Variants in INVS observed in about 807,000 individuals in gnomAD.
The protein encoded by INVS is inversin.
In INVS, 86 loss-of-function variants were observed where a neutral mutation model predicts 108.8. The ratio of observed to expected loss-of-function variants is 0.79; its 90% CI spans 0.66 to 0.95. INVS has a LOEUF of 0.95. Among genes scored for constraint, INVS ranks in the 40% least tolerant of loss-of-function variants. The pLI is 0.00. For missense variants in INVS, 1,169 were observed against 1,297.4 expected, an observed-to-expected ratio of 0.90 and a Z score of 1.52; for synonymous variants, 455 against 473.5, an observed-to-expected ratio of 0.96 and a Z score of 0.51.
At position 100,229,581 on chromosome 9, in the gene INVS, A is replaced by G. The variant is rs898596439; in HGVS notation, c.448-79A>G. 1.8e-5 allele frequency: 23 copies of G among 1,290,150 alleles called. No individual in the cohort carries two copies. In the Admixed American group the frequency reaches 3.7e-4, roughly 21 times the overall value. 79.9% of individuals were successfully genotyped at this position (1,290,150 alleles called of 1,614,324 possible). A position where few individuals can be genotyped will look rare whatever the true frequency, so the allele number is the denominator to read the frequency against. On this transcript the variant is annotated intron_variant, in intron 4 of 16. Transcript: ENST00000262457. ...GCAACTACTGTATAAAACTCTTATA[A>G]CAGTGCCTGTCCCACAATAAAAGAT...
chr9:100,273,576 C>T (rs533526455), intron 12 of INVS, among the ~76,000 whole-genome samples: 213 of 143,838 alleles, frequency 1.5e-3, no homozygotes, highest in African/African-American at 5.2e-3. Flanking sequence ...TCTCACTTGC[C>T]GCCCAGGCTG....
chr9:100,177,738 G>A (rs1252070413), intron 3 of INVS, among the ~76,000 whole-genome samples: 1 of 152,230 alleles, frequency 6.6e-6, no homozygotes, highest in Non-Finnish European at 1.5e-5. Context: ...TGGCTCTGAA[G>A]AGAGCAGCAG....
chr9:100,255,399 C>A (rs1445214049), intron 10 of INVS, among the ~76,000 whole-genome samples: 3 of 151,760 alleles, frequency 2.0e-5, no homozygotes, highest in Admixed American at 6.6e-5. Flanking sequence ...AATTGAATAC[C>A]TTTATTTCTT....
chr9:100,118,460 C>G (rs947644600), intron 2 of INVS, among the ~76,000 whole-genome samples: 3 of 151,902 alleles, frequency 2.0e-5, no homozygotes, highest in Non-Finnish European at 4.4e-5. Context: ...CCGCCCGCCT[C>G]AGCCTCTCAA....
intron 10 of INVS, among the ~76,000 whole-genome samples, chr9:100,260,618 C>T (rs546268345): frequency 6.6e-6 from 1 of 152,192 alleles, no homozygotes; most frequent in African/African-American, 2.4e-5. Context: ...TGTTTAATAG[C>T]TTATTCAATC....
At chr9:100,291,342 G>C (rs1024064829) in intron 13 of INVS, among the ~76,000 whole-genome samples, 1 of 152,176 alleles carries the variant, frequency 6.6e-6, no homozygotes, top group East Asian at 1.9e-4. Flanking sequence ...TTACAGGCAT[G>C]AGCCACCGTG....
At chr9:100,132,307 G>A (rs762447989) in intron 3 of INVS, among the ~76,000 whole-genome samples, 16 of 152,214 alleles carry the variant, frequency 1.1e-4, no homozygotes, top group Admixed American at 7.2e-4. Context: ...GAAGGGCATG[G>A]CCTTCAAGAC....
rs377278698 is a variant in INVS at position 100,297,060 on chromosome 9, C to T, written c.2930C>T (p.Thr977Ile). Residue 977 changes from threonine (T) to isoleucine (I), a missense_variant, in exon 15 of 17, where the codon ACT (threonine) becomes ATT (isoleucine). By Grantham distance (89) the Thr-to-Ile change is moderately conservative. This residue lies in a region of INVS where 533 missense variants were observed against 536.0 expected (regional missense o/e 0.99). Coordinates refer to ENST00000262457, the MANE Select transcript of INVS (RefSeq NM_014425.5). ...CTGGAACTAAAATTCCCCCAAACCA[C>T]TGCAGTAAGCAAGGCCCCCAAGAGT... is the stretch of plus-strand genomic sequence containing the variant. ...KELELKFPQT[T>I]AVSKAPKSPS... 2.5e-6 allele frequency: 4 copies of T among 1,613,950 alleles called. No individual in the cohort carries two copies. In the African/African-American group the frequency reaches 5.3e-5, roughly 22 times the overall value.
At chr9:100,231,508 GC>G (rs1283624856) in intron 5 of INVS, among the ~76,000 whole-genome samples, 1 of 72,018 alleles carries the variant, frequency 1.4e-5, no homozygotes, top group African/African-American at 5.4e-5. Context: ...CCCTCCCCTT[GC>G]CCCCCACCCC....
At chr9:100,154,816 T>A (rs1160951965) in intron 3 of INVS, among the ~76,000 whole-genome samples, 2 of 152,122 alleles carry the variant, frequency 1.3e-5, no homozygotes, top group Non-Finnish European at 2.9e-5. Flanking sequence ...GAGAAGGAGA[T>A]AATGTAGAGG....
At chr9:100,146,241 C>T (rs958388245) in intron 3 of INVS, among the ~76,000 whole-genome samples, 2 of 151,300 alleles carry the variant, frequency 1.3e-5, no homozygotes, top group Admixed American at 6.6e-5. Context: ...GGGGTGGGGC[C>T]GTTTTGTAAG....
At chr9:100,232,167 T>C (rs192202337) in intron 5 of INVS, among the ~76,000 whole-genome samples, 2 of 152,338 alleles carry the variant, frequency 1.3e-5, no homozygotes, top group East Asian at 1.9e-4. Context: ...TTGAGAAGTG[T>C]CTGTTCGTAT....
chr9:100,129,206 G>A, intron 3 of INVS, among the ~76,000 whole-genome samples: 1 of 151,652 alleles, frequency 6.6e-6, no homozygotes, highest in East Asian at 1.9e-4. Context: ...ATCTGGCAGG[G>A]TGCAGTGGCT....
chr9:100,253,038 G>A lies in INVS; in HGVS notation c.1366G>A (p.Gly456Arg). 1 of 1,614,008 alleles carries A rather than the reference G, an allele frequency of 6.2e-7. No individual in the cohort carries two copies. Among genetic ancestry groups the A allele is most frequent in the Non-Finnish European group, 8.5e-7 (1 of 1,179,892 alleles). The change falls in exon 10 of 17, where the codon GGA (glycine) becomes AGA (arginine). Residue 456 changes from glycine to arginine, a missense_variant. Around this residue, in one of 3 missense-constraint regions of INVS, gnomAD observed 271 missense variants for 363.8 expected, o/e 0.74. Transcript: ENST00000262457. ...CAATCCAAATGTCCAGGATTATGCA[G>A]GAAGAACCCCTTTGCAGTGTGCAGC... ...KINPNVQDYA[G>R]RTPLQCAAYG...
chr9:100,104,566 A>G lies in INVS; in HGVS notation c.45A>G (p.Ala15=). 1.2e-6 allele frequency: 2 copies of G among 1,614,198 alleles called. No homozygotes were observed. The highest frequency in any genetic ancestry group is 8.5e-7 in the Non-Finnish European group (1 of 1,180,016). The change falls in exon 2 of 17, where the codon GCA becomes GCG. Residue 15 remains alanine, a synonymous_variant. Coordinates refer to ENST00000262457, the MANE Select transcript of INVS (RefSeq NM_014425.5). ...ENLLFAGSSL[A]SQVHAAAVNG... is the part of the protein sequence containing the mutation. ...TGCTGTTTGCTGGTTCATCATTAGC[A>G]TCACAAGTCCATGCTGCTGCCGTTA... is the stretch of plus-strand genomic sequence containing the variant.
chr9:100,222,839 C>G (rs1831195695), intron 3 of INVS, among the ~76,000 whole-genome samples: 1 of 149,346 alleles, frequency 6.7e-6, no homozygotes, highest in Non-Finnish European at 1.5e-5. Context: ...TTTTTTTTCC[C>G]CAAAGAAAAG....
chr9:100,297,245 C>T (rs1833817132), intron 15 of INVS, 99 bp downstream of exon 15: 2 of 987,268 alleles, frequency 2.0e-6, no homozygotes, highest in Non-Finnish European at 3.2e-6. Context: ...AACTTCCATT[C>T]AGATAAATTA....
rs961590325 is a variant in INVS at position 100,264,858 on chromosome 9, T to C, written c.1501T>C (p.Tyr501His). The change falls in exon 11 of 17, where the codon TAC (tyrosine) becomes CAC (histidine). Residue 501 changes from tyrosine (Y) to histidine (H), a missense_variant. By Grantham distance (83) the Tyr-to-His change is moderately conservative. Transcript: ENST00000262457. ...TALHWSCNNG[Y>H]LDAIKLLLDF... is the part of the protein sequence containing the mutation. ...TTTGCATTGGTCCTGCAACAATGGA[T>C]ACCTTGATGCCATTAAATTACTGCT... 1 of 1,613,836 alleles carries C rather than the reference T, an allele frequency of 6.2e-7. No homozygotes were observed. The highest frequency in any genetic ancestry group is 8.5e-7 in the Non-Finnish European group (1 of 1,179,826).
At chr9:100,200,615 C>G (rs1830507202) in intron 3 of INVS, among the ~76,000 whole-genome samples, 1 of 152,138 alleles carries the variant, frequency 6.6e-6, no homozygotes, top group African/African-American at 2.4e-5. Flanking sequence ...ACTAAGACCT[C>G]TAACTAAGTG....
Sources: allele counts gnomAD v4.1 joint callset (sites outside exome capture counted in the v4.1 genomes callset), GRCh38; gene constraint gnomAD v4.1.1; regional missense constraint gnomAD v4.1.1; transcripts MANE v1.5; gene names NCBI Gene and HGNC (gene_info 2026-07-23, HGNC 2026-07-21).